Variants in RYR3 observed in about 807,000 individuals in gnomAD.
RYR3 encodes ryanodine receptor 3.
Under a neutral mutation model 584.3 loss-of-function variants are expected in RYR3, and 207 were observed. That is an observed-to-expected ratio of 0.35 (90% CI 0.32 to 0.40). The LOEUF (loss-of-function observed/expected upper bound fraction) is 0.40. Ranked by LOEUF, RYR3 falls within the 10% of genes least tolerant of loss-of-function variation. RYR3 has a pLI of 1.00. For synonymous variants in RYR3, 2,416 were observed against 2,248.5 expected, an observed-to-expected ratio of 1.07 and a Z score of -2.11; for missense variants, 5,616 against 6,089.2, an observed-to-expected ratio of 0.92 and a Z score of 2.59.
chr15:33,851,510 C>G (rs1434557312), intron 94 of RYR3: 1 of 152,112 alleles, frequency 6.6e-6, no homozygotes, highest in African/African-American at 2.4e-5. Context: ...CACTTTCCTT[C>G]TGAAGGTCTG....
intron 55 of RYR3, among the ~76,000 whole-genome samples, chr15:33,749,475 C>T (rs2071067535): frequency 6.6e-6 from 1 of 152,188 alleles, no homozygotes; most frequent in Non-Finnish European, 1.5e-5. Context: ...CAAAGTACAT[C>T]CTTCATTCTA....
chr15:33,840,859 G>A lies in RYR3; in HGVS notation c.13013G>A (p.Gly4338Glu), dbSNP rs1476537638. ...AEMKAANEAE[G>E]KVESEKADME... The stretch of plus-strand genomic sequence containing the variant: ...ATGAAAGCAGCAAATGAAGCAGAAG[G>A]AAAAGTAGAATCCGAGAAGGCAGAG... The change falls in exon 90 of 104, where the codon GGA (glycine) becomes GAA (glutamate). Residue 4338 changes from glycine to glutamate, a missense_variant. This residue lies in a region of RYR3 where 918 missense variants were observed against 887.4 expected (regional missense o/e 1.03). Coordinates refer to ENST00000634891, the MANE Select transcript of RYR3 (RefSeq NM_001036.6). The A allele has an allele frequency of 1.2e-6, 2 of 1,613,780 alleles. No homozygotes were observed. Among genetic ancestry groups the A allele is most frequent in the African/African-American group, 2.7e-5 (2 of 74,920 alleles).
intron 1 of RYR3, chr15:33,467,422 C>T: frequency 6.3e-6 from 6 of 958,768 alleles, no homozygotes; most frequent in Non-Finnish European, 7.4e-6. Flanking sequence ...CCAAGGTTCC[C>T]CAGCCATCAG....
chr15:33,734,040 C>T (rs2069186529), intron 48 of RYR3, among the ~76,000 whole-genome samples: 1 of 152,128 alleles, frequency 6.6e-6, no homozygotes, highest in African/African-American at 2.4e-5. Context: ...TTGTCTAAGG[C>T]CTACAGGCTT....
chr15:33,849,645 C>T (rs1744996373), intron 94 of RYR3: 1 of 152,040 alleles, frequency 6.6e-6, no homozygotes, highest in Admixed American at 6.6e-5. Context: ...GAAATAGGGC[C>T]AAATAGTAAA....
chr15:33,484,117 C>T (rs1269884948), intron 2 of RYR3, among the ~76,000 whole-genome samples: 1 of 151,694 alleles, frequency 6.6e-6, no homozygotes, highest in Non-Finnish European at 1.5e-5. Flanking sequence ...ATTACCTGAA[C>T]CAGAACCTCA....
intron 62 of RYR3, among the ~76,000 whole-genome samples, chr15:33,770,734 CA>C (rs201491728): frequency 3.4e-4 from 48 of 142,482 alleles, no homozygotes; most frequent in Admixed American, 6.3e-4. Context: ...GACCCCATCT[CA>C]AAAAAAAAAA....
At chr15:33,675,072 GT>G (rs1377492088) in intron 38 of RYR3, among the ~76,000 whole-genome samples, 1 of 152,224 alleles carries the variant, frequency 6.6e-6, no homozygotes, top group African/African-American at 2.4e-5. Flanking sequence ...TCCGGCCTGG[GT>G]GACAGAGCGA....
chr15:33,439,930 G>C (rs529085070), intron 1 of RYR3, among the ~76,000 whole-genome samples: 1 of 152,126 alleles, frequency 6.6e-6, no homozygotes, highest in Non-Finnish European at 1.5e-5. Context: ...ATACAAGCAT[G>C]GATAGCGACA....
intron 38 of RYR3, among the ~76,000 whole-genome samples, chr15:33,688,132 C>T (rs1230473495): frequency 1.3e-5 from 2 of 152,058 alleles, no homozygotes; most frequent in Non-Finnish European, 2.9e-5. Flanking sequence ...AGGCAACCTA[C>T]AGAATGGGAG....
intron 26 of RYR3, among the ~76,000 whole-genome samples, 190 bp from the exon 27 acceptor site, chr15:33,636,186 C>G (rs1249087448): frequency 1.3e-5 from 2 of 152,142 alleles, no homozygotes; most frequent in East Asian, 3.8e-4. Flanking sequence ...AATCAAGAGA[C>G]TTGGGCTACC....
intron 1 of RYR3, among the ~76,000 whole-genome samples, chr15:33,410,653 T>A (rs1404076172): frequency 6.6e-6 from 1 of 152,232 alleles, no homozygotes; most frequent in African/African-American, 2.4e-5. Flanking sequence ...GAGGATTTAA[T>A]TCCCCACTGT....
chr15:33,515,228 A>G (rs1013164533), intron 3 of RYR3, among the ~76,000 whole-genome samples: 5 of 152,080 alleles, frequency 3.3e-5, no homozygotes, highest in African/African-American at 9.7e-5. Context: ...GTAAAACCTC[A>G]CCTCCACAAT....
chr15:33,579,989 A>G lies in RYR3; in HGVS notation c.1282A>G (p.Thr428Ala), dbSNP rs750848107. The G allele has an allele frequency of 1.2e-6, 2 of 1,608,952 alleles. No individual in the cohort carries two copies. The highest frequency in any genetic ancestry group is 4.5e-5 in the East Asian group (2 of 44,712). Residue 428 changes from threonine (T) to alanine (A), a missense_variant, in exon 13 of 104, where the codon ACA becomes GCA. Thr to Ala is a moderately conservative substitution (Grantham distance 58, BLOSUM62 0). Transcript: ENST00000634891. ...CATGGTTTTTAGCGGAAACAATCGC[A>G]CAGCTGCCCCCATCACCCTGCCTAT... ...FSQFVSGNNR[T>A]AAPITLPIEE... is the part of the protein sequence containing the mutation.
chr15:33,843,775 C>A (rs906859835), intron 92 of RYR3, among the ~76,000 whole-genome samples: 1 of 152,178 alleles, frequency 6.6e-6, no homozygotes, highest in Non-Finnish European at 1.5e-5. Context: ...AGTGAGGGGA[C>A]TATTTCAATA....
intron 80 of RYR3, among the ~76,000 whole-genome samples, chr15:33,822,046 A>G (rs992970774): frequency 1.1e-5 from 1 of 88,524 alleles, no homozygotes; most frequent in East Asian, 3.6e-4. Context: ...GCAACTGTTT[A>G]CTGACTGATG....
intron 3 of RYR3, among the ~76,000 whole-genome samples, chr15:33,526,027 C>G (rs1385654103): frequency 6.6e-6 from 1 of 152,100 alleles, no homozygotes; most frequent in African/African-American, 2.4e-5. Context: ...CTTCCTGAGG[C>G]CTTGGAAGAT....
intron 18 of RYR3, among the ~76,000 whole-genome samples, chr15:33,605,769 C>A (rs993825396): frequency 1.3e-5 from 2 of 152,092 alleles, no homozygotes; most frequent in Non-Finnish European, 2.9e-5. Context: ...GTTGATGTCC[C>A]CCACCAGGAC....
chr15:33,426,866 G>A (rs1005536274), intron 1 of RYR3, among the ~76,000 whole-genome samples: 26 of 152,292 alleles, frequency 1.7e-4, no homozygotes, highest in African/African-American at 5.8e-4. Context: ...GCCCTGTTCT[G>A]GGTTGCCGAC....
Sources: allele counts gnomAD v4.1 joint callset (sites outside exome capture counted in the v4.1 genomes callset), GRCh38; gene constraint gnomAD v4.1.1; regional missense constraint gnomAD v4.1.1; transcripts MANE v1.5; gene names NCBI Gene and HGNC (gene_info 2026-07-23, HGNC 2026-07-21).